OSBPL1A: variants seen among roughly 807,000 people sequenced by gnomAD.
OSBPL1A encodes the protein oxysterol binding protein like 1A.
A neutral mutation model predicts 137.1 loss-of-function variants in OSBPL1A; 80 were observed. The ratio of observed to expected loss-of-function variants is 0.58; its 90% confidence interval spans 0.49 to 0.70. The LOEUF (loss-of-function observed/expected upper bound fraction) is 0.70. OSBPL1A is among the 30% of genes least tolerant of loss of function. The pLI is 0.00. For synonymous variants in OSBPL1A, 365 were observed against 389.7 expected, an observed-to-expected ratio of 0.94 and a Z score of 0.75; for missense variants, 970 against 1,129.4, an observed-to-expected ratio of 0.86 and a Z score of 2.02.
intron 17 of OSBPL1A, among the ~76,000 whole-genome samples, chr18:24,202,511 A>C (rs189598065): frequency 2.0e-5 from 3 of 152,360 alleles, no homozygotes; most frequent in African/African-American, 7.2e-5. Flanking sequence ...CCTGCATTAC[A>C]GATAACTTAT....
intron 15 of OSBPL1A, among the ~76,000 whole-genome samples, chr18:24,274,628 C>T (rs1360058553): frequency 6.6e-6 from 1 of 151,946 alleles, no homozygotes; most frequent in Non-Finnish European, 1.5e-5. Context: ...GTGGCTGAGG[C>T]CAGGCGTGGT....
intron 15 of OSBPL1A, among the ~76,000 whole-genome samples, chr18:24,253,393 G>A (rs2089171928): frequency 6.6e-6 from 1 of 152,144 alleles, no homozygotes; most frequent in Non-Finnish European, 1.5e-5. Context: ...ATTATATAAT[G>A]ATAAAGAAGT....
intron 15 of OSBPL1A, chr18:24,272,223 C>A (rs1416420337): frequency 1.0e-6 from 1 of 983,832 alleles, no homozygotes; most frequent in African/African-American, 1.8e-5. Flanking sequence ...CCTGGAGACA[C>A]CGGCCCTGGC....
chr18:24,368,148 C>T (rs566688277), intron 3 of OSBPL1A, 139 bp downstream of exon 3: 13 of 515,266 alleles, frequency 2.5e-5, no homozygotes, highest in Middle Eastern at 5.4e-4. Flanking sequence ...TAATAAAGAA[C>T]AATTAAGTGT....
chr18:24,310,463 G>A (rs1003571089), intron 13 of OSBPL1A, among the ~76,000 whole-genome samples: 1 of 136,234 alleles, frequency 7.3e-6, no homozygotes, highest in Non-Finnish European at 1.6e-5. Context: ...TTAGCCAGGT[G>A]CGGTGGCAGG....
intron 15 of OSBPL1A, among the ~76,000 whole-genome samples, chr18:24,240,783 G>A (rs1367000615): frequency 6.6e-6 from 1 of 152,164 alleles, no homozygotes; most frequent in African/African-American, 2.4e-5. Context: ...GTTTTCGAAA[G>A]CAGTTGTGCA....
At chr18:24,383,777 T>C (rs1906770428) in intron 1 of OSBPL1A, among the ~76,000 whole-genome samples, 1 of 152,190 alleles carries the variant, frequency 6.6e-6, no homozygotes, top group East Asian at 1.9e-4. Context: ...TAAAGAAATC[T>C]ATTATCTACT....
intron 14 of OSBPL1A, among the ~76,000 whole-genome samples, chr18:24,286,106 A>G (rs1045591085): frequency 3.3e-5 from 5 of 152,146 alleles, no homozygotes; most frequent in African/African-American, 1.2e-4. Context: ...GCAGTGAGCC[A>G]AGATCGCGCC....
intron 17 of OSBPL1A, among the ~76,000 whole-genome samples, chr18:24,209,511 G>C (rs560505162): frequency 8.5e-5 from 13 of 152,098 alleles, no homozygotes; most frequent in Admixed American, 3.3e-4. Flanking sequence ...ACATCTCCCC[G>C]ATGACCCAAA....
At chr18:24,382,809 G>T (rs1197191354) in intron 1 of OSBPL1A, among the ~76,000 whole-genome samples, 2 of 152,120 alleles carry the variant, frequency 1.3e-5, no homozygotes, top group Non-Finnish European at 2.9e-5. Context: ...TCAGGAAGTT[G>T]AGACTGCAGT....
At chr18:24,300,552 A>G (rs2090379941) in intron 14 of OSBPL1A, among the ~76,000 whole-genome samples, 1 of 152,202 alleles carries the variant, frequency 6.6e-6, no homozygotes. Flanking sequence ...ATGCAGGGAG[A>G]GTCCCAGGAG....
chr18:24,287,066 A>C (rs1385845306), intron 14 of OSBPL1A, among the ~76,000 whole-genome samples: 1 of 152,234 alleles, frequency 6.6e-6, no homozygotes, highest in Non-Finnish European at 1.5e-5. Flanking sequence ...AGTCACAAAG[A>C]CCTGGAGTCA....
At chr18:24,237,297 T>C (rs8085538) in intron 16 of OSBPL1A, among the ~76,000 whole-genome samples, 1 of 152,186 alleles carries the variant, frequency 6.6e-6, no homozygotes, top group African/African-American at 2.4e-5. Flanking sequence ...TTAAATAAAA[T>C]TTTTTAAAGG....
chr18:24,250,132 C>T (rs1189263593), intron 15 of OSBPL1A, among the ~76,000 whole-genome samples: 1 of 151,686 alleles, frequency 6.6e-6, no homozygotes. Context: ...CAGGCCTTAG[C>T]TCCCAGAAGG....
At chr18:24,166,496 A>G in intron 26 of OSBPL1A, 83 bp downstream of exon 26, 1 of 1,492,670 alleles carries the variant, frequency 6.7e-7, no homozygotes. Flanking sequence ...TACCCCAATG[A>G]TGCTAACAAT....
At chr18:24,165,665 A>C (rs1418944667) in intron 26 of OSBPL1A, among the ~76,000 whole-genome samples, 1 of 152,214 alleles carries the variant, frequency 6.6e-6, no homozygotes, top group Non-Finnish European at 1.5e-5. Context: ...GATGATTAGC[A>C]GCATCCATGG....
At chr18:24,382,083 A>G (rs1432371836) in intron 1 of OSBPL1A, among the ~76,000 whole-genome samples, 3 of 151,850 alleles carry the variant, frequency 2.0e-5, no homozygotes, top group Admixed American at 6.6e-5. Context: ...GTGAGACCCT[A>G]TATCTATAAA....
chr18:24,202,425 G>A (rs1005207287), intron 17 of OSBPL1A, among the ~76,000 whole-genome samples: 2 of 152,204 alleles, frequency 1.3e-5, no homozygotes, highest in Admixed American at 6.5e-5. Context: ...ATTGTCAGTG[G>A]TGACATCATC....
At chr18:24,334,817 A>G (rs185051732) in intron 5 of OSBPL1A, among the ~76,000 whole-genome samples, 2 of 152,356 alleles carry the variant, frequency 1.3e-5, no homozygotes, top group East Asian at 3.9e-4. Flanking sequence ...TCATCTGTCC[A>G]TAACTTTAGC....
Sources: allele counts gnomAD v4.1 joint callset (sites outside exome capture counted in the v4.1 genomes callset), GRCh38; gene constraint gnomAD v4.1.1; transcripts MANE v1.5; gene names NCBI Gene and HGNC (gene_info 2026-07-23, HGNC 2026-07-21).